The following CELF2 variants were observed in gnomAD, a reference collection of about 807,000 sequenced individuals.
The protein encoded by CELF2 is CUG triplet repeat RNA-binding protein 2.
A neutral mutation model predicts 62.6 loss-of-function variants in CELF2; 8 were observed. The ratio of observed to expected loss-of-function variants is 0.13; its 90% CI spans 0.07 to 0.23. The LOEUF (loss-of-function observed/expected upper bound fraction) is 0.23, where lower values mean the gene tolerates loss of function less well. Ranked by LOEUF, CELF2 falls within the 10% of genes least tolerant of loss-of-function variation. The pLI is 1.00. For missense variants in CELF2, 333 were observed against 671.0 expected (o/e 0.50, Z 5.56); for synonymous variants, 258 against 250.0 (o/e 1.03, Z -0.30).
chr10:10,783,804 T>C, the CELF2 span, among the ~76,000 whole-genome samples: 1 of 152,012 alleles, frequency 6.6e-6, no homozygotes, highest in Admixed American at 6.5e-5. Context: ...GGCAACATGG[T>C]GAAACCTTGT....
At chr10:10,553,926 A>T in the CELF2 span, among the ~76,000 whole-genome samples, 1 of 152,206 alleles carries the variant, frequency 6.6e-6, no homozygotes, top group Non-Finnish European at 1.5e-5. Context: ...GTGAACCCTC[A>T]GAAGGGATTT....
chr10:11,120,481 T>C (rs747598123), intron 1 of CELF2, among the ~76,000 whole-genome samples: 21 of 152,196 alleles, frequency 1.4e-4, no homozygotes, highest in Non-Finnish European at 2.9e-5. Context: ...TCAAGCTTGC[T>C]TCTTGTTATT....
intron 2 of CELF2, among the ~76,000 whole-genome samples, chr10:10,970,129 C>T (rs746021828): frequency 3.3e-5 from 5 of 152,052 alleles, no homozygotes; most frequent in Non-Finnish European, 7.4e-5. Context: ...AGTGCAGTGG[C>T]GCAATTTCGG....
At chr10:11,257,618 G>C (rs529329712) in intron 4 of CELF2, 120 bp from the exon 5 acceptor site, 3 of 1,102,634 alleles carry the variant, frequency 2.7e-6, no homozygotes. Context: ...TGCAGAGTTG[G>C]CCTTGGGACA....
the CELF2 span, among the ~76,000 whole-genome samples, chr10:10,525,731 G>T: frequency 6.6e-6 from 1 of 152,140 alleles, no homozygotes; most frequent in Non-Finnish European, 1.5e-5. Context: ...TTCATCCACC[G>T]ATGGTCACTT....
the CELF2 span, among the ~76,000 whole-genome samples, chr10:10,770,585 C>T: frequency 4.8e-3 from 729 of 152,200 alleles, 4 homozygotes; most frequent in African/African-American, 1.0e-2. Flanking sequence ...GAATCATAGA[C>T]TGTGGCCAGA....
intron 1 of CELF2, among the ~76,000 whole-genome samples, chr10:11,151,764 A>T (rs2063376431): frequency 6.6e-6 from 1 of 152,200 alleles, no homozygotes. Flanking sequence ...AGAAAAAAAA[A>T]ATAAGTAGAT....
At chr10:11,287,770 C>T (rs1055806400) in intron 8 of CELF2, among the ~76,000 whole-genome samples, 6 of 152,238 alleles carry the variant, frequency 3.9e-5, no homozygotes, top group Non-Finnish European at 8.8e-5. Flanking sequence ...TCATTGAGCT[C>T]TTAACGTTGT....
At chr10:10,489,409 T>C in the CELF2 span, among the ~76,000 whole-genome samples, 1 of 152,138 alleles carries the variant, frequency 6.6e-6, no homozygotes, top group Non-Finnish European at 1.5e-5. Context: ...AGACTACATT[T>C]TTCAGTGTCA....
chr10:11,257,979 T>G, intron 5 of CELF2, 107 bp downstream of exon 5: 1 of 1,262,992 alleles, frequency 7.9e-7, no homozygotes, highest in South Asian at 1.4e-5. Context: ...CACCCTGTAA[T>G]ACATCCCATG....
the CELF2 span, among the ~76,000 whole-genome samples, chr10:10,463,745 A>G: frequency 6.6e-6 from 1 of 152,216 alleles, no homozygotes; most frequent in South Asian, 2.1e-4. Context: ...AGGAACTACA[A>G]TTTCTCTGTT....
intron 9 of CELF2, among the ~76,000 whole-genome samples, chr10:11,291,681 T>G (rs1294692494): frequency 6.6e-6 from 1 of 152,242 alleles, no homozygotes; most frequent in East Asian, 1.9e-4. Flanking sequence ...CCCAGTCTCC[T>G]ATTTAGTTAA....
intron 1 of CELF2, among the ~76,000 whole-genome samples, chr10:11,053,665 A>T (rs2064461044): frequency 7.7e-6 from 1 of 130,438 alleles, no homozygotes; most frequent in South Asian, 2.4e-4. Context: ...CCCAGGCTGG[A>T]GTGCAGTGGC....
the CELF2 span, among the ~76,000 whole-genome samples, chr10:10,538,584 CT>C: frequency 3.7e-4 from 56 of 152,288 alleles, no homozygotes; most frequent in African/African-American, 1.3e-3. Context: ...CCTCCCACCC[CT>C]ATCCCCTGCC....
rs559985502 is a variant in CELF2 at position 11,011,562 on chromosome 10, T to C, written c.53+6122T>C. Reference sequence around the variant, plus strand: ...ATCTCTCCTCTTCTCTTACCTGCCCTATTCCTATGAAACAGGGCAAATATG... The same window carrying C: ...ATCTCTCCTCTTCTCTTACCTGCCCCATTCCTATGAAACAGGGCAAATATG... On this transcript the variant is annotated intron_variant, in intron 1 of 12. Transcript: ENST00000416382. This position sits in a 1 kb window ranked among gnomAD's most constrained non-coding sequence, Gnocchi z 4.6. 1.3e-5 allele frequency among the ~76,000 whole-genome samples: 2 copies of C among 152,220 alleles called. No individual in the cohort carries two copies. The highest frequency in any genetic ancestry group is 4.2e-4 in the South Asian group (2 of 4,812).
chr10:11,114,794 A>G (rs916317993), intron 1 of CELF2, among the ~76,000 whole-genome samples: 1 of 152,224 alleles, frequency 6.6e-6, no homozygotes, highest in African/African-American at 2.4e-5. Context: ...CTTTTTCTAC[A>G]CCCACTACAG....
chr10:11,260,839 C>G lies in CELF2; in HGVS notation c.538+2967C>G, dbSNP rs2080312392. Among the ~76,000 whole-genome samples the G allele has an allele frequency of 6.6e-6, 1 of 152,122 alleles. No individual in the cohort carries two copies. The highest frequency in any genetic ancestry group is 2.1e-4 in the South Asian group (1 of 4,822). On this transcript the variant is annotated intron_variant, in intron 5 of 12. Transcript: ENST00000633077. This position sits in a 1 kb window ranked among gnomAD's most constrained non-coding sequence, Gnocchi z 4.2. ...GGACTCCTGGCTACAGGGGCCTGCT[C>G]CTGAATCAGTGTATTTGTTAAAAGC... is the stretch of plus-strand genomic sequence containing the variant.
At chr10:10,492,804 C>G in the CELF2 span, among the ~76,000 whole-genome samples, 27 of 152,296 alleles carry the variant, frequency 1.8e-4, no homozygotes, top group Middle Eastern at 3.4e-3. Flanking sequence ...TGGGAAGGAC[C>G]TGGTTGGAGA....
Position 11,211,809 on chromosome 10 carries a change from AGAGAGTGTGTGTGTGTGTGTGTGT to A in CELF2, c.272-5614_272-5591del, listed in dbSNP as rs1440622359. On this transcript the variant is annotated intron_variant, in intron 2 of 12. Transcript: ENST00000633077. This position sits in a 1 kb window ranked among gnomAD's most constrained non-coding sequence, Gnocchi z 4.8. ...ATGTGTGTGAGAGAGAGAGAGAGAGAGAGAGTGTGTGTGTGTGTGTGTGTGTGTGTGTGTGTGTGTGTGTGTAAC... is the reference window on the plus strand; with the variant it reads ...ATGTGTGTGAGAGAGAGAGAGAGAGAGTGTGTGTGTGTGTGTGTGTGTAAC... 2.3e-5 allele frequency among the ~76,000 whole-genome samples: 3 copies of A among 129,856 alleles called. No individual in the cohort carries two copies. The highest frequency in any genetic ancestry group is 3.3e-5 in the Non-Finnish European group (2 of 61,216). The allele number at this position is 129,856 out of a possible 152,430, so 85.2% of individuals were successfully genotyped here.
Sources: allele counts gnomAD v4.1 joint callset (sites outside exome capture counted in the v4.1 genomes callset), GRCh38; gene constraint gnomAD v4.1.1; non-coding constraint Gnocchi (gnomAD v3.1); transcripts MANE v1.5; gene names NCBI Gene and HGNC (gene_info 2026-07-23, HGNC 2026-07-21).